Variants in ZNF594 observed in about 807,000 individuals in gnomAD.
ZNF594 encodes the protein zinc finger protein HZF18.
For synonymous variants in ZNF594, 336 were observed against 309.4 expected, an observed-to-expected ratio of 1.09 and a Z score of -0.90; for missense variants, 1,037 against 964.6, an observed-to-expected ratio of 1.08 and a Z score of -0.99.
chr17:5,176,395 C>CAAAAA (rs34510280), downstream of ZNF594, among the ~76,000 whole-genome samples: 1 of 85,614 alleles, frequency 1.2e-5, no homozygotes, highest in African/African-American at 4.4e-5. Context: ...AACTCTGTCT[C>CAAAAA]AAAAAAAAAA....
Position 5,180,829 on chromosome 17 carries a change from C to T in ZNF594, c.*1004G>A, listed in dbSNP as rs1490430531. 1.5e-5 allele frequency: 6 copies of T among 399,290 alleles called. No individual in the cohort carries two copies. Among genetic ancestry groups the T allele is most frequent in the Non-Finnish European group, 1.4e-5 (3 of 212,338 alleles). The allele number at this position is 399,290 out of a possible 1,614,324, so 24.7% of individuals were successfully genotyped here. ...AAAAATCCAGTAGGTATTTTCTCTGCTTTCCCACCTTCCCATGGTTTTTTT... is the reference window on the plus strand; with the variant it reads ...AAAAATCCAGTAGGTATTTTCTCTGTTTTCCCACCTTCCCATGGTTTTTTT... On this transcript the variant is annotated 3_prime_UTR_variant, in exon 2 of 2. Transcript: ENST00000575779.
rs372755657 is a variant in ZNF594, at chr17:5,183,639, A to G, written c.618T>C (p.Ser206=). Residue 206 remains serine (S), a synonymous_variant, in exon 2 of 2, where the codon AGT becomes AGC. Transcript: ENST00000575779. Reference sequence around the variant, plus strand: ...CTTTGCACTCATAGGGATTCCCACCACTGTGAATTTGCTTATGTCTCACCA... The same window carrying G: ...CTTTGCACTCATAGGGATTCCCACCGCTGTGAATTTGCTTATGTCTCACCA... ...SNLVRHKQIH[S]GGNPYECKEC... 6.2e-7 allele frequency: 1 copy of G among 1,614,086 alleles called. No individual in the cohort carries two copies. The highest frequency in any genetic ancestry group is 1.3e-5 in the African/African-American group (1 of 74,942).
Position 5,182,083 on chromosome 17 carries a change from T to G in ZNF594, c.2174A>C (p.Lys725Thr), listed in dbSNP as rs200383395. Residue 725 changes from lysine to threonine, a missense_variant, in exon 2 of 2, where the codon AAA (lysine) becomes ACA (threonine). By Grantham distance (78) the Lys-to-Thr change is moderately conservative. Coordinates refer to ENST00000575779, the MANE Select transcript of ZNF594 (RefSeq NM_032530.2). Reference protein sequence around the residue: ...KLFMWHTAFLKHQRLHAGEKL... With the variant: ...KLFMWHTAFLTHQRLHAGEKL... Reference sequence around the variant, plus strand: ...CTCTCCAGCATGCAGTCTCTGATGTTTGAGGAAAGCCGTGTGCCACATGAA... The same window carrying G: ...CTCTCCAGCATGCAGTCTCTGATGTGTGAGGAAAGCCGTGTGCCACATGAA... 6.2e-7 allele frequency: 1 copy of G among 1,613,716 alleles called. No homozygotes were observed. The highest frequency in any genetic ancestry group is 1.7e-5 in the Admixed American group (1 of 60,012).
Position 5,181,386 on chromosome 17 carries a change from T to G in ZNF594, c.*447A>C, listed in dbSNP as rs1453608506. ...GCTGCCCTGGAAAGCCCTACCACAC[T>G]GATTACACCAATAAGCTTTCTCTTC... On this transcript the variant is annotated 3_prime_UTR_variant, in exon 2 of 2. Coordinates refer to ENST00000575779, the MANE Select transcript of ZNF594 (RefSeq NM_032530.2). The G allele has an allele frequency of 1.9e-6, 3 of 1,613,036 alleles. No individual in the cohort carries two copies. The African/African-American group carries it at 4.0e-5, about 22-fold the overall frequency.
chr17:5,183,509 G>C lies in ZNF594; in HGVS notation c.748C>G (p.Gln250Glu). 1 of 1,614,120 alleles carries C rather than the reference G, an allele frequency of 6.2e-7. No homozygotes were observed. The highest frequency in any genetic ancestry group is 8.5e-7 in the Non-Finnish European group (1 of 1,180,024). The change falls in exon 2 of 2, where the codon CAA becomes GAA. Residue 250 changes from glutamine to glutamate, a missense_variant. Physicochemically the swap from Gln to Glu is conservative, Grantham distance 29 (BLOSUM62 2). Coordinates refer to ENST00000575779, the MANE Select transcript of ZNF594 (RefSeq NM_032530.2). ...LCNKCGKAFS[Q>E]STDLIIHHRI... ...TGATGTATAATAAGATCTGTGCTTT[G>C]ACTGAAAGCCTTCCCACATTTATTG...
downstream of ZNF594, among the ~76,000 whole-genome samples, chr17:5,177,652 C>T (rs977504913): frequency 1.3e-5 from 2 of 152,122 alleles, no homozygotes; most frequent in Non-Finnish European, 2.9e-5. Context: ...GCCTGGCCAA[C>T]ATAGTGAAAC....
chr17:5,174,365 T>C, the ZNF594 span: 1 of 190,820 alleles, frequency 5.2e-6, no homozygotes, highest in Non-Finnish European at 1.1e-5. Context: ...CCTTTCTTCC[T>C]CATAGGTAGT....
In ZNF594 at chr17:5,181,303, C is replaced by A; in HGVS notation, c.*530G>T. The A allele has an allele frequency of 1.2e-6, 2 of 1,612,858 alleles. No homozygotes were observed. The highest frequency in any genetic ancestry group is 1.1e-5 in the South Asian group (1 of 91,040). On this transcript the variant is annotated 3_prime_UTR_variant, in exon 2 of 2. Transcript: ENST00000575779. Reference sequence around the variant, plus strand: ...CTCTGATTGAAAGTTTTCCCACATTCTTTACATTCATATGGTTTCTCTCCT... The same window carrying A: ...CTCTGATTGAAAGTTTTCCCACATTATTTACATTCATATGGTTTCTCTCCT...
At chr17:5,184,943 A>G (rs539947292) in intron 1 of ZNF594, among the ~76,000 whole-genome samples, 38 of 152,314 alleles carry the variant, frequency 2.5e-4, no homozygotes, top group African/African-American at 8.7e-4. Flanking sequence ...TCCTCCCTAT[A>G]TATCATGATA....
At chr17:5,184,343 C>T (rs1426578208) in intron 1 of ZNF594, 67 bp from the exon 2 acceptor site, 2 of 1,459,178 alleles carry the variant, frequency 1.4e-6, no homozygotes, top group Admixed American at 4.5e-5. Context: ...TTATACTGGG[C>T]AGTCTAAGAG....
downstream of ZNF594, chr17:5,174,589 C>T (rs1191857624): frequency 2.6e-5 from 5 of 193,732 alleles, no homozygotes; most frequent in Non-Finnish European, 5.4e-5. Flanking sequence ...TCAAGATTTT[C>T]AGTAAATAAA....
At chr17:5,176,292 G>T (rs2074306675), downstream of ZNF594, among the ~76,000 whole-genome samples, 3 of 151,296 alleles carry the variant, frequency 2.0e-5, no homozygotes, top group Admixed American at 2.0e-4. Context: ...CTACTTGGGA[G>T]GCTGAAGCAG....
At chr17:5,190,226 G>C (rs1352417336) in intron 1 of ZNF594, among the ~76,000 whole-genome samples, 1 of 152,100 alleles carries the variant, frequency 6.6e-6, no homozygotes, top group Non-Finnish European at 1.5e-5. Context: ...AAATTAGCTG[G>C]GCGTGGTGGC....
In ZNF594 at chr17:5,191,840, C is replaced by T. The variant is rs1270469691; in HGVS notation, c.-113G>A. 1 of 152,218 alleles carries T rather than the reference C, an allele frequency of 6.6e-6. No homozygotes were observed. The highest frequency in any genetic ancestry group is 2.4e-5 in the African/African-American group (1 of 41,410). 9.4% of individuals were successfully genotyped at this position (152,218 alleles called of 1,614,324 possible). ...CTCCTAGCGCCACCATCTTGGACCC[C>T]GCGCCTGGGCCAGGCGAGAACTTCC... is the stretch of plus-strand genomic sequence containing the variant. On this transcript the variant is annotated 5_prime_UTR_variant, in exon 1 of 2. Coordinates refer to ENST00000575779, the MANE Select transcript of ZNF594 (RefSeq NM_032530.2).
At chr17:5,186,971 T>C (rs995774003) in intron 1 of ZNF594, among the ~76,000 whole-genome samples, 4 of 152,216 alleles carry the variant, frequency 2.6e-5, no homozygotes, top group African/African-American at 9.6e-5. Context: ...TTCCAAACTT[T>C]CCCACATTTT....
Position 5,180,881 on chromosome 17 carries a change from A to G in ZNF594, c.*952T>C. ...TAATAAAACTCATTTGTAGTGCAAT[A>G]AGATGTGGTCTCCATCAGACTTTTC... On this transcript the variant is annotated 3_prime_UTR_variant, in exon 2 of 2. Coordinates refer to ENST00000575779, the MANE Select transcript of ZNF594 (RefSeq NM_032530.2). 1.9e-6 allele frequency: 1 copy of G among 522,282 alleles called. No individual in the cohort carries two copies. Among genetic ancestry groups the G allele is most frequent in the South Asian group, 1.9e-5 (1 of 52,598 alleles). 32.4% of individuals were successfully genotyped at this position (522,282 alleles called of 1,614,324 possible).
intron 1 of ZNF594, among the ~76,000 whole-genome samples, chr17:5,189,545 GTTT>G (rs946400413): frequency 2.0e-5 from 3 of 149,102 alleles, no homozygotes; most frequent in Non-Finnish European, 4.5e-5. Context: ...AGCTTGTTTT[GTTT>G]TTTTCATACA....
At chr17:5,176,833 G>C (rs1452703875), downstream of ZNF594, among the ~76,000 whole-genome samples, 4 of 149,864 alleles carry the variant, frequency 2.7e-5, no homozygotes, top group Non-Finnish European at 5.9e-5. Context: ...GAAAGAATGA[G>C]AAAGTAATAA....
At chr17:5,187,341 C>A (rs1476578631) in intron 1 of ZNF594, among the ~76,000 whole-genome samples, 1 of 152,168 alleles carries the variant, frequency 6.6e-6, no homozygotes, top group Non-Finnish European at 1.5e-5. Context: ...GGAACCACCC[C>A]CATGATTCAA....
Sources: allele counts gnomAD v4.1 joint callset (sites outside exome capture counted in the v4.1 genomes callset), GRCh38; gene constraint gnomAD v4.1.1; transcripts MANE v1.5; gene names NCBI Gene and HGNC (gene_info 2026-07-23, HGNC 2026-07-21).